Variants in SV2B observed in about 807,000 individuals in gnomAD.
The protein encoded by SV2B is synaptic vesicle glycoprotein 2B.
Under a neutral mutation model 73.9 loss-of-function variants are expected in SV2B, and 41 were observed. That is an observed-to-expected ratio of 0.56 (90% CI 0.43 to 0.72). The LOEUF is 0.72. Among genes scored for constraint, SV2B ranks in the 30% least tolerant of loss-of-function variants. The probability of loss-of-function intolerance (pLI) is 0.00; values close to 1 mark genes in which losing one functional copy is unlikely to be tolerated. For missense variants in SV2B, 764 were observed against 857.8 expected, an observed-to-expected ratio of 0.89 and a Z score of 1.37; for synonymous variants, 314 against 314.2, an observed-to-expected ratio of 1.00 and a Z score of 0.01.
rs1478796475 is a variant in SV2B at position 91,297,361 on chromosome 15, C to T, written c.*4809C>T. On this transcript the variant is annotated 3_prime_UTR_variant, in exon 13 of 13. Coordinates refer to ENST00000394232, the MANE Select transcript of SV2B (RefSeq NM_001323032.3). The surrounding 1 kb of genome is among the most constrained non-coding windows in gnomAD (Gnocchi z 5.1). ...CGGTATTTACTGGGAACATTGCTGC[C>T]CCTCCTCCAAATTGAGGGTCTTGGC... is the stretch of plus-strand genomic sequence containing the variant. 1.3e-5 allele frequency: 2 copies of T among 152,176 alleles called. No homozygotes were observed. Among genetic ancestry groups the T allele is most frequent in the Admixed American group, 6.5e-5 (1 of 15,280 alleles). The allele number at this position is 152,176 out of a possible 1,614,324, so 9.4% of individuals were successfully genotyped here. A position where few individuals can be genotyped will look rare whatever the true frequency, so the allele number is the denominator to read the frequency against.
chr15:91,281,338 A>G lies in SV2B; in HGVS notation c.1374-390A>G, dbSNP rs1397622882. ...AAGATTCTCAGACCTTCACAATTCT[A>G]TGGCTTCCAAAACTTCTAGGACCAC... On this transcript the variant is annotated intron_variant, in intron 9 of 12. Transcript: ENST00000394232. This position sits in a 1 kb window ranked among gnomAD's most constrained non-coding sequence, Gnocchi z 4.7. Among the ~76,000 whole-genome samples, 3 of 152,198 alleles carry G rather than the reference A, an allele frequency of 2.0e-5. No homozygotes were observed. The highest frequency in any genetic ancestry group is 4.4e-5 in the Non-Finnish European group (3 of 68,028).
In SV2B at chr15:91,239,275, C is replaced by T. The variant is rs2046911309; in HGVS notation, c.452-12544C>T. ...CTGACTCAGAGGCATTCATCAATCT[C>T]TGCTGGGGATGTGCAGAAAATAGTC... On this transcript the variant is annotated intron_variant, in intron 2 of 12. Coordinates refer to ENST00000394232, the MANE Select transcript of SV2B (RefSeq NM_001323032.3). The surrounding 1 kb of genome is among the most constrained non-coding windows in gnomAD (Gnocchi z 5.1). 6.6e-6 allele frequency among the ~76,000 whole-genome samples: 1 copy of T among 151,918 alleles called. No homozygotes were observed. Among genetic ancestry groups the T allele is most frequent in the African/African-American group, 2.4e-5 (1 of 41,360 alleles).
At chr15:91,249,324 G>A (rs770013886) in intron 2 of SV2B, among the ~76,000 whole-genome samples, 7 of 152,190 alleles carry the variant, frequency 4.6e-5, no homozygotes, top group Non-Finnish European at 8.8e-5. Flanking sequence ...TTCCCACATT[G>A]AGTGAATTAT....
intron 1 of SV2B, among the ~76,000 whole-genome samples, chr15:91,156,883 G>A (rs904506828): frequency 6.6e-6 from 1 of 152,150 alleles, no homozygotes; most frequent in Non-Finnish European, 1.5e-5. Context: ...TCCTTTTTGT[G>A]GGCTGCTAAT....
At chr15:91,246,744 C>CTT (rs2047246954) in intron 2 of SV2B, among the ~76,000 whole-genome samples, 2 of 146,890 alleles carry the variant, frequency 1.4e-5, no homozygotes, top group African/African-American at 5.3e-5. Context: ...TCCTCCTCCT[C>CTT]CTCCTTCTTC....
At chr15:91,266,831 G>T in intron 7 of SV2B, 139 bp downstream of exon 7, 2 of 619,358 alleles carry the variant, frequency 3.2e-6, no homozygotes, top group Non-Finnish European at 5.4e-6. Flanking sequence ...GGAGGGGGGC[G>T]TTTGGGCTCC....
At chr15:91,215,223 G>C (rs2045985161) in intron 1 of SV2B, among the ~76,000 whole-genome samples, 1 of 152,152 alleles carries the variant, frequency 6.6e-6, no homozygotes, top group South Asian at 2.1e-4. Context: ...GCTTGGGTGA[G>C]GTCTTCTTTG....
rs80109073 is a variant in SV2B at position 91,285,588 on chromosome 15, T to C, written c.1708+1367T>C. 1.2e-3 allele frequency among the ~76,000 whole-genome samples: 185 copies of C among 152,366 alleles called. 1 individual carries two copies. The South Asian group carries it at 0.02, about 16-fold the overall frequency. ...TCCGTCTCTGCCAAGATTAGCTTTA[T>C]GTGTGGACCCACGTTCCTTTACTTC... is the stretch of plus-strand genomic sequence containing the variant. On this transcript the variant is annotated intron_variant, in intron 11 of 12. Transcript: ENST00000394232.
intron 1 of SV2B, among the ~76,000 whole-genome samples, chr15:91,127,778 T>A (rs548322909): frequency 5.4e-4 from 82 of 152,168 alleles, no homozygotes; most frequent in Middle Eastern, 6.8e-3. Flanking sequence ...GCCTCCATAG[T>A]GGAGTTAAGG....
At chr15:91,221,144 G>C (rs187175937) in intron 1 of SV2B, among the ~76,000 whole-genome samples, 1 of 152,272 alleles carries the variant, frequency 6.6e-6, no homozygotes, top group African/African-American at 2.4e-5. Context: ...GGGATTACAG[G>C]TGTGAGCCCT....
chr15:91,163,646 T>G (rs1025973153), intron 1 of SV2B, among the ~76,000 whole-genome samples: 4 of 152,352 alleles, frequency 2.6e-5, no homozygotes, highest in African/African-American at 9.6e-5. Flanking sequence ...TTAAGTTCTT[T>G]GTAGATTCTG....
intron 1 of SV2B, among the ~76,000 whole-genome samples, chr15:91,166,151 T>A (rs1375958499): frequency 2.0e-5 from 3 of 152,170 alleles, no homozygotes; most frequent in African/African-American, 4.8e-5. Context: ...TAGATATTCT[T>A]TGTTGTGAGG....
chr15:91,116,558 G>A (rs541796208), intron 1 of SV2B, among the ~76,000 whole-genome samples: 29 of 152,222 alleles, frequency 1.9e-4, no homozygotes, highest in South Asian at 1.5e-3. Flanking sequence ...AGAATTTCCC[G>A]TGGGACTTTC....
At chr15:91,119,356 C>T (rs916208661) in intron 1 of SV2B, among the ~76,000 whole-genome samples, 2 of 152,176 alleles carry the variant, frequency 1.3e-5, no homozygotes, top group Non-Finnish European at 2.9e-5. Flanking sequence ...TTCATTTGTT[C>T]TCATGCTTAG....
chr15:91,226,770 A>T, intron 2 of SV2B, 56 bp downstream of exon 2: 1 of 1,554,324 alleles, frequency 6.4e-7, no homozygotes, highest in Non-Finnish European at 8.6e-7. Context: ...AGTAAAATTT[A>T]TCTAGTATCT....
intron 1 of SV2B, among the ~76,000 whole-genome samples, chr15:91,160,397 C>G (rs10152960): frequency 2.6e-5 from 4 of 152,222 alleles, no homozygotes; most frequent in South Asian, 4.1e-4. Context: ...CACTTGAGGC[C>G]AGGAGTTTGA....
chr15:91,168,410 G>A (rs1222185006), intron 1 of SV2B, among the ~76,000 whole-genome samples: 2 of 151,586 alleles, frequency 1.3e-5, no homozygotes, highest in Non-Finnish European at 2.9e-5. Context: ...CTGAGTTGTG[G>A]GTGCCCTTGT....
At chr15:91,269,169 C>G (rs2048212681) in intron 9 of SV2B, among the ~76,000 whole-genome samples, 1 of 152,084 alleles carries the variant, frequency 6.6e-6, no homozygotes, top group South Asian at 2.1e-4. Context: ...GGGGCTGCTT[C>G]CTCAATCCAT....
chr15:91,219,996 C>G (rs2046163636), intron 1 of SV2B, among the ~76,000 whole-genome samples: 1 of 152,166 alleles, frequency 6.6e-6, no homozygotes, highest in African/African-American at 2.4e-5. Context: ...TTGCACTGCA[C>G]TTGGTTTATC....
Sources: allele counts gnomAD v4.1 joint callset (sites outside exome capture counted in the v4.1 genomes callset), GRCh38; gene constraint gnomAD v4.1.1; non-coding constraint Gnocchi (gnomAD v3.1); transcripts MANE v1.5; gene names NCBI Gene and HGNC (gene_info 2026-07-23, HGNC 2026-07-21).